The following REDIC1 variants were observed in gnomAD, a reference collection of about 807,000 sequenced individuals.
The protein encoded by REDIC1 is regulator of DNA class I crossover intermediates 1, also known as HEI10 Interacting Protein 1.
At chr12:39,744,926 A>G in the REDIC1 span, among the ~76,000 whole-genome samples, 1 of 152,170 alleles carries the variant, frequency 6.6e-6, no homozygotes, top group Admixed American at 6.5e-5. Context: ...AGACTCCACT[A>G]TATGTTGTTT....
At chr12:39,695,271 TGGG>T in the REDIC1 span, among the ~76,000 whole-genome samples, 3 of 152,170 alleles carry the variant, frequency 2.0e-5, no homozygotes, top group Non-Finnish European at 2.9e-5. Context: ...AGCACAGTCA[TGGG>T]GGTAGAATAC....
chr12:39,881,853 A>C, the REDIC1 span, among the ~76,000 whole-genome samples: 3 of 151,994 alleles, frequency 2.0e-5, no homozygotes, highest in Middle Eastern at 3.2e-3. Context: ...CTGTTCATTC[A>C]ATAAAGATTT....
At chr12:39,716,201 C>T in the REDIC1 span, among the ~76,000 whole-genome samples, 4 of 152,060 alleles carry the variant, frequency 2.6e-5, no homozygotes, top group South Asian at 6.2e-4. Flanking sequence ...TGCTCTTTAT[C>T]ATTTATACAT....
chr12:39,832,151 C>T, the REDIC1 span, among the ~76,000 whole-genome samples: 363 of 152,230 alleles, frequency 2.4e-3, no homozygotes, highest in African/African-American at 8.5e-3. Flanking sequence ...ATTTTCCACA[C>T]TGGTGATAAG....
chr12:39,648,415 AT>A, the REDIC1 span, among the ~76,000 whole-genome samples: 1 of 152,048 alleles, frequency 6.6e-6, no homozygotes, highest in Admixed American at 6.6e-5. Context: ...AATTTTTATA[AT>A]TTGAAAGATG....
At chr12:39,667,518 T>A in the REDIC1 span, among the ~76,000 whole-genome samples, 277 of 152,324 alleles carry the variant, frequency 1.8e-3, no homozygotes, top group African/African-American at 6.1e-3. Flanking sequence ...AAGTGCGGTG[T>A]CGTGCTGAGA....
the REDIC1 span, among the ~76,000 whole-genome samples, chr12:39,878,950 C>G: frequency 1.3e-5 from 2 of 152,266 alleles, no homozygotes; most frequent in African/African-American, 4.8e-5. Context: ...AGCCCAGAGC[C>G]TACTGCCCTG....
At chr12:39,839,534 T>C in the REDIC1 span, among the ~76,000 whole-genome samples, 2,305 of 152,098 alleles carry the variant, frequency 0.015, 26 homozygotes, top group Middle Eastern at 0.024. Context: ...TTTTCCAACA[T>C]ACTATTATCA....
At chr12:39,711,548 T>C in the REDIC1 span, among the ~76,000 whole-genome samples, 1 of 66,342 alleles carries the variant, frequency 1.5e-5, no homozygotes, top group Non-Finnish European at 3.6e-5. Flanking sequence ...TATATGTATG[T>C]GCATACACAT....
the REDIC1 span, chr12:39,759,874 T>G: frequency 1.7e-6 from 1 of 599,952 alleles, no homozygotes; most frequent in South Asian, 2.2e-5. Context: ...ATCATGGTTG[T>G]ATCTTCCTCC....
the REDIC1 span, among the ~76,000 whole-genome samples, chr12:39,675,011 T>G: frequency 3.3e-5 from 5 of 152,058 alleles, no homozygotes; most frequent in Non-Finnish European, 5.9e-5. Context: ...GCTTTCTTAG[T>G]GGGGAGGCTC....
At chr12:39,819,564 T>A in the REDIC1 span, among the ~76,000 whole-genome samples, 1 of 152,172 alleles carries the variant, frequency 6.6e-6, no homozygotes, top group Non-Finnish European at 1.5e-5. Flanking sequence ...TTCATTTACC[T>A]TTTCTCTCAA....
chr12:39,692,222 C>A, the REDIC1 span: 1 of 1,068,688 alleles, frequency 9.4e-7, no homozygotes, highest in Non-Finnish European at 1.3e-6. Flanking sequence ...AAATATATAT[C>A]ATGGATATTT....
chr12:39,906,016 A>G, the REDIC1 span, among the ~76,000 whole-genome samples: 2 of 152,172 alleles, frequency 1.3e-5, no homozygotes, highest in African/African-American at 4.8e-5. Context: ...GAGGACTCTC[A>G]TAATCTGTAA....
the REDIC1 span, among the ~76,000 whole-genome samples, chr12:39,723,215 T>A: frequency 6.6e-6 from 1 of 152,170 alleles, no homozygotes; most frequent in Non-Finnish European, 1.5e-5. Context: ...TGATTTTAAC[T>A]GGTATCCTTT....
chr12:39,850,894 C>G, the REDIC1 span, among the ~76,000 whole-genome samples: 10 of 151,748 alleles, frequency 6.6e-5, no homozygotes, highest in South Asian at 2.1e-3. Context: ...TTAGGCCCCA[C>G]AAAGTTAATT....
the REDIC1 span, chr12:39,646,807 T>A: frequency 1.4e-6 from 2 of 1,425,138 alleles, no homozygotes; most frequent in African/African-American, 2.9e-5. Context: ...TATTTCAATT[T>A]ATATTTTTAA....
the REDIC1 span, among the ~76,000 whole-genome samples, chr12:39,690,441 T>A: frequency 6.6e-6 from 1 of 152,116 alleles, no homozygotes; most frequent in Admixed American, 6.5e-5. Context: ...AGAGTGATGA[T>A]GTCACACTAG....
At chr12:39,710,349 A>C in the REDIC1 span, among the ~76,000 whole-genome samples, 2 of 151,884 alleles carry the variant, frequency 1.3e-5, no homozygotes, top group Non-Finnish European at 2.9e-5. Context: ...GCAAAAATTC[A>C]GGCTATTTGA....
Sources: allele counts gnomAD v4.1 joint callset (sites outside exome capture counted in the v4.1 genomes callset), GRCh38; gene constraint gnomAD v4.1.1; transcripts MANE v1.5; gene names NCBI Gene and HGNC (gene_info 2026-07-23, HGNC 2026-07-21).